WDFY4: variants seen among roughly 807,000 people sequenced by gnomAD.
WDFY4 encodes WD repeat- and FYVE domain-containing protein 4.
Under a neutral mutation model 351.9 loss-of-function variants are expected in WDFY4, and 169 were observed. The observed-to-expected ratio is 0.48, with a 90% CI of 0.42 to 0.55. WDFY4 has a LOEUF of 0.55. Among genes scored for constraint, WDFY4 ranks in the 20% least tolerant of loss-of-function variants. WDFY4 has a pLI of 0.00. For missense variants in WDFY4, 3,803 were observed against 3,935.6 expected, an observed-to-expected ratio of 0.97 and a Z score of 0.90; for synonymous variants, 1,622 against 1,574.6, an observed-to-expected ratio of 1.03 and a Z score of -0.71.
chr10:48,885,898 G>A (rs1006264016), intron 43 of WDFY4, among the ~76,000 whole-genome samples: 1 of 152,072 alleles, frequency 6.6e-6, no homozygotes, highest in Non-Finnish European at 1.5e-5. Context: ...ACCAAATATA[G>A]CCTTTTGCCT....
intron 27 of WDFY4, 58 bp downstream of exon 27, chr10:48,806,153 A>G: frequency 2.0e-6 from 3 of 1,503,026 alleles, no homozygotes; most frequent in Non-Finnish European, 2.7e-6. Flanking sequence ...AACCCCTGAG[A>G]GGCCCACATT....
intron 1 of WDFY4, among the ~76,000 whole-genome samples, chr10:48,685,563 C>T (rs1294282029): frequency 6.6e-6 from 1 of 152,202 alleles, no homozygotes; most frequent in African/African-American, 2.4e-5. Flanking sequence ...GCTCACTTCC[C>T]TCATCTGAAT....
chr10:48,736,019 T>C lies in WDFY4; in HGVS notation c.1827T>C (p.Ala609=), dbSNP rs748923097. The part of the protein sequence containing the change: ...AEEYMSIIVG[A]LCSSTQGELQ... Reference sequence around the variant, plus strand: ...AGTACATGAGCATCATTGTGGGTGCTCTATGCTCATCCACTCAAGGGGAGC... The same window carrying C: ...AGTACATGAGCATCATTGTGGGTGCCCTATGCTCATCCACTCAAGGGGAGC... Residue 609 remains alanine (A), a synonymous_variant, in exon 11 of 62, where the codon GCT becomes GCC. Transcript: ENST00000325239. 19 of 1,551,736 alleles carry C rather than the reference T, an allele frequency of 1.2e-5. No individual in the cohort carries two copies. The South Asian group carries it at 2.0e-4, about 17-fold the overall frequency.
At chr10:48,746,288 T>C (rs990734481) in intron 12 of WDFY4, among the ~76,000 whole-genome samples, 3 of 152,270 alleles carry the variant, frequency 2.0e-5, no homozygotes, top group African/African-American at 7.2e-5. Flanking sequence ...TATATTCTTA[T>C]GGAGTCTAAA....
At chr10:48,719,388 G>A (rs559009900) in intron 2 of WDFY4, among the ~76,000 whole-genome samples, 15 of 152,338 alleles carry the variant, frequency 9.8e-5, no homozygotes, top group African/African-American at 3.6e-4. Flanking sequence ...AGAGAGCACA[G>A]CGATGCTCAG....
Position 48,776,780 on chromosome 10 carries a change from G to A in WDFY4, c.2894G>A (p.Gly965Glu). Residue 965 changes from glycine to glutamate, a missense_variant, in exon 16 of 62, where the codon GGG becomes GAG. Physicochemically the swap from Gly to Glu is moderately conservative, Grantham distance 98. Transcript: ENST00000325239. ...CAGACTGCACAGGGCTTGGCTGAGG[G>A]GCCCTGGCCAGCTGCCCCAGATGCT... Reference protein sequence around the residue: ...GSQTAQGLAEGPWPAAPDAGL... With the variant: ...GSQTAQGLAEEPWPAAPDAGL... 5.2e-6 allele frequency: 8 copies of A among 1,541,544 alleles called. No individual in the cohort carries two copies. Among genetic ancestry groups the A allele is most frequent in the Non-Finnish European group, 7.0e-6 (8 of 1,138,754 alleles).
intron 39 of WDFY4, among the ~76,000 whole-genome samples, chr10:48,843,978 T>A (rs1265337162): frequency 6.6e-6 from 1 of 152,212 alleles, no homozygotes; most frequent in African/African-American, 2.4e-5. Context: ...CAGATGGCCG[T>A]GGAGGGGAGA....
intron 47 of WDFY4, among the ~76,000 whole-genome samples, chr10:48,905,410 TTGA>T (rs1290724982): frequency 1.3e-5 from 2 of 152,188 alleles, no homozygotes; most frequent in Non-Finnish European, 2.9e-5. Flanking sequence ...CATCCCCAGG[TTGA>T]TGATGACCTG....
At chr10:48,941,773 A>G (rs2133759662) in intron 47 of WDFY4, 33 bp from the exon 48 acceptor site, 2 of 1,550,978 alleles carry the variant, frequency 1.3e-6, no homozygotes, top group Non-Finnish European at 1.7e-6. Context: ...GCCTTGGTAT[A>G]TTTAGTCACC....
chr10:48,796,098 A>G (rs948218630), intron 23 of WDFY4, among the ~76,000 whole-genome samples, 200 bp from the exon 24 acceptor site: 4 of 152,188 alleles, frequency 2.6e-5, no homozygotes, highest in Non-Finnish European at 5.9e-5. Context: ...AGGGAAAAGT[A>G]AGAGTCCCAG....
intron 47 of WDFY4, among the ~76,000 whole-genome samples, chr10:48,937,704 G>A (rs947998681): frequency 1.3e-5 from 2 of 152,236 alleles, no homozygotes; most frequent in East Asian, 1.9e-4. Context: ...AATGAAAAGC[G>A]ATAGGTAGTT....
At chr10:48,826,941 TGGTGGTCCATG>T (rs78512600) in intron 36 of WDFY4, 32 bp downstream of exon 36, 204,730 of 1,521,832 alleles carry the variant, frequency 0.13, 16,661 homozygotes, top group African/African-American at 0.39. Flanking sequence ...CCTTGTCTGC[TGGTGGTCCATG>T]CAGAAAGGAG....
chr10:48,717,035 GACTC>G (rs1187223672), intron 2 of WDFY4, among the ~76,000 whole-genome samples: 1 of 152,192 alleles, frequency 6.6e-6, no homozygotes, highest in African/African-American at 2.4e-5. Context: ...TTCAAACCTT[GACTC>G]TGCCACTTAA....
In WDFY4 at chr10:48,729,445, A is replaced by G; in HGVS notation, c.985A>G (p.Thr329Ala). The change falls in exon 8 of 62, where the codon ACC (threonine) becomes GCC (alanine). Residue 329 changes from threonine to alanine, a missense_variant. Thr to Ala is a moderately conservative substitution (Grantham distance 58). This residue lies in a region of WDFY4 where 488 missense variants were observed against 456.8 expected (regional missense o/e 1.07). Transcript: ENST00000325239. ...LKVLLRYDGL[T>A]QSEVDPHLEE... Reference sequence around the variant, plus strand: ...CTGTTCCCCCAGGTATGATGGGCTGACCCAGAGCGAAGTGGACCCGCATCT... The same window carrying G: ...CTGTTCCCCCAGGTATGATGGGCTGGCCCAGAGCGAAGTGGACCCGCATCT... The G allele has an allele frequency of 2.6e-6, 4 of 1,550,972 alleles. No homozygotes were observed. The highest frequency in any genetic ancestry group is 2.6e-6 in the Non-Finnish European group (3 of 1,146,990).
rs1565231885 is a variant in WDFY4, at chr10:48,817,268, T to C, written c.5364T>C (p.Gly1788=). ...MSQPLAGSED[G]AWAQTFPASV... ...AGCCCCTGGCAGGTTCTGAGGATGGTGCCTGGGCACAGACCTTCCCGGCCA... is the reference window on the plus strand; with the variant it reads ...AGCCCCTGGCAGGTTCTGAGGATGGCGCCTGGGCACAGACCTTCCCGGCCA... Residue 1788 remains glycine (G), a synonymous_variant, in exon 32 of 62, where the codon GGT becomes GGC. Transcript: ENST00000325239. The C allele has an allele frequency of 6.4e-7, 1 of 1,551,702 alleles. No individual in the cohort carries two copies. The highest frequency in any genetic ancestry group is 1.4e-5 in the African/African-American group (1 of 73,202).
At chr10:48,870,338 C>A (rs2069717529) in intron 40 of WDFY4, among the ~76,000 whole-genome samples, 1 of 152,082 alleles carries the variant, frequency 6.6e-6, no homozygotes, top group African/African-American at 2.4e-5. Flanking sequence ...GAGCTCAAGG[C>A]CAGACTGGGC....
intron 12 of WDFY4, among the ~76,000 whole-genome samples, chr10:48,755,814 G>C (rs192121324): frequency 6.6e-6 from 1 of 152,142 alleles, no homozygotes; most frequent in East Asian, 1.9e-4. Flanking sequence ...ATTTGCTTTG[G>C]TGATTTCAGT....
intron 58 of WDFY4, among the ~76,000 whole-genome samples, chr10:48,975,451 G>A (rs1003343999): frequency 1.3e-5 from 2 of 152,194 alleles, no homozygotes; most frequent in East Asian, 3.8e-4. Flanking sequence ...CAAAGACCAG[G>A]GAGATCGACT....
intron 39 of WDFY4, among the ~76,000 whole-genome samples, chr10:48,863,740 G>T (rs1416578928): frequency 1.3e-5 from 2 of 151,726 alleles, no homozygotes; most frequent in South Asian, 2.1e-4. Context: ...TTTTCATATT[G>T]CTATAAAGAA....
Sources: allele counts gnomAD v4.1 joint callset (sites outside exome capture counted in the v4.1 genomes callset), GRCh38; gene constraint gnomAD v4.1.1; regional missense constraint gnomAD v4.1.1; transcripts MANE v1.5; gene names NCBI Gene and HGNC (gene_info 2026-07-23, HGNC 2026-07-21).